The following TRIM44 variants were observed in gnomAD, a reference collection of about 807,000 sequenced individuals.
TRIM44 encodes tripartite motif-containing protein 44.
A neutral mutation model predicts 37.4 loss-of-function variants in TRIM44; 13 were observed. The ratio of observed to expected loss-of-function variants is 0.35; its 90% CI spans 0.23 to 0.55. The LOEUF (loss-of-function observed/expected upper bound fraction) is 0.55, where lower values mean the gene tolerates loss of function less well. TRIM44 is among the 20% of genes least tolerant of loss of function. The pLI is 0.89. For missense variants in TRIM44, 426 were observed against 437.2 expected, an observed-to-expected ratio of 0.97 and a Z score of 0.23; for synonymous variants, 175 against 157.2, an observed-to-expected ratio of 1.11 and a Z score of -0.85.
chr11:35,695,868 T>C (rs578147266), intron 2 of TRIM44, among the ~76,000 whole-genome samples: 1 of 151,516 alleles, frequency 6.6e-6, no homozygotes, highest in Non-Finnish European at 1.5e-5. Context: ...CTCACTAAAA[T>C]ATAATCTGAA....
intron 4 of TRIM44, among the ~76,000 whole-genome samples, chr11:35,774,585 G>A (rs1221140835): frequency 2.6e-5 from 4 of 152,070 alleles, no homozygotes; most frequent in Admixed American, 2.6e-4. Flanking sequence ...TTTCTTCTAG[G>A]GTTTTTTGGT....
intron 1 of TRIM44, among the ~76,000 whole-genome samples, chr11:35,674,261 C>A (rs1404078899): frequency 7.3e-6 from 1 of 136,224 alleles, no homozygotes; most frequent in Non-Finnish European, 1.6e-5. Context: ...TGTACACATG[C>A]GCACATGTGT....
chr11:35,690,359 G>C (rs1269849072), intron 2 of TRIM44, among the ~76,000 whole-genome samples: 1 of 152,172 alleles, frequency 6.6e-6, no homozygotes, highest in East Asian at 1.9e-4. Context: ...TCACTCTTCT[G>C]TGATAATCAG....
chr11:35,723,897 A>G (rs1351988832), intron 2 of TRIM44, among the ~76,000 whole-genome samples: 1 of 152,242 alleles, frequency 6.6e-6, no homozygotes, highest in African/African-American at 2.4e-5. Context: ...GTAGAGATCC[A>G]TTGATCAATG....
intron 2 of TRIM44, among the ~76,000 whole-genome samples, chr11:35,721,718 G>T (rs77109587): frequency 6.6e-6 from 1 of 152,144 alleles, no homozygotes; most frequent in South Asian, 2.1e-4. Flanking sequence ...TAACTAGGTC[G>T]CTGAGGATGA....
chr11:35,709,144 C>T (rs1276635908), intron 2 of TRIM44, among the ~76,000 whole-genome samples: 1 of 152,114 alleles, frequency 6.6e-6, no homozygotes, highest in East Asian at 1.9e-4. Context: ...GAAAGATTAG[C>T]AGATTTAATT....
chr11:35,663,420 A>T lies in TRIM44; in HGVS notation c.309A>T (p.Glu103Asp). 6.3e-7 allele frequency: 1 copy of T among 1,574,986 alleles called. No individual in the cohort carries two copies. Among genetic ancestry groups the T allele is most frequent in the Non-Finnish European group, 8.6e-7 (1 of 1,158,234 alleles). ...CAGGGGAAGAGAGTGAGTCGGAGGA[A>T]GAGAGCGAGTCAGAGGAAGAGAGCG... ...SEAGEESESEEESESEEESET... is the reference protein window; with the variant it reads ...SEAGEESESEDESESEEESET... Residue 103 changes from glutamate to aspartate, a missense_variant, in exon 1 of 5, where the codon GAA becomes GAT. Physicochemically the swap from Glu to Asp is conservative, Grantham distance 45. Coordinates refer to ENST00000299413, the MANE Select transcript of TRIM44 (RefSeq NM_017583.6).
chr11:35,721,279 T>TA (rs1852103258), intron 2 of TRIM44, among the ~76,000 whole-genome samples: 1 of 152,188 alleles, frequency 6.6e-6, no homozygotes, highest in African/African-American at 2.4e-5. Context: ...ACATTTCTTT[T>TA]AAAAAATAGT....
intron 3 of TRIM44, among the ~76,000 whole-genome samples, chr11:35,730,152 A>G (rs188642205): frequency 6.6e-6 from 1 of 152,340 alleles, no homozygotes; most frequent in Admixed American, 6.5e-5. Flanking sequence ...CTCAATAAAG[A>G]AATAAAGATA....
chr11:35,805,092 A>G (rs1286072847), intron 4 of TRIM44, among the ~76,000 whole-genome samples: 1 of 152,166 alleles, frequency 6.6e-6, no homozygotes, highest in Non-Finnish European at 1.5e-5. Flanking sequence ...TATCCAACTG[A>G]AACTAAACCT....
At chr11:35,681,525 C>T (rs1851520967) in intron 1 of TRIM44, among the ~76,000 whole-genome samples, 1 of 152,110 alleles carries the variant, frequency 6.6e-6, no homozygotes, top group Non-Finnish European at 1.5e-5. Flanking sequence ...TCACATTGAA[C>T]TCCTGTGTTC....
chr11:35,690,509 C>T (rs1488132055), intron 2 of TRIM44, among the ~76,000 whole-genome samples: 1 of 152,128 alleles, frequency 6.6e-6, no homozygotes, highest in Admixed American at 6.5e-5. Flanking sequence ...TGATCCTTGC[C>T]CTGTGCCAAA....
At chr11:35,779,591 A>G (rs542098300) in intron 4 of TRIM44, among the ~76,000 whole-genome samples, 39 of 152,172 alleles carry the variant, frequency 2.6e-4, no homozygotes, top group African/African-American at 9.4e-4. Context: ...TATCTGTCCA[A>G]AAGCTCTTTA....
intron 1 of TRIM44, among the ~76,000 whole-genome samples, chr11:35,677,923 G>A (rs945113546): frequency 1.3e-5 from 2 of 152,188 alleles, no homozygotes; most frequent in African/African-American, 4.8e-5. Context: ...AAGGATCTGA[G>A]GACTTTTTGA....
chr11:35,806,299 C>G (rs772797649), intron 4 of TRIM44, 59 bp from the exon 5 acceptor site: 11 of 1,592,190 alleles, frequency 6.9e-6, no homozygotes, highest in African/African-American at 1.3e-5. Context: ...AACCAGTAGA[C>G]TAGGCTGCCT....
In TRIM44 at chr11:35,775,931, C is replaced by CT. The variant is rs566515210; in HGVS notation, c.1008-30420dup. Among the ~76,000 whole-genome samples, 59 of 152,206 alleles carry CT rather than the reference C, an allele frequency of 3.9e-4. No homozygotes were observed. In the East Asian group the frequency reaches 0.011, roughly 29 times the overall value. Reference sequence around the variant, plus strand: ...ATCAAGGATATTGGTCTAAAATTCTCTTTTTTTGTTGTGTCTCTGCCAGGC... The same window carrying CT: ...ATCAAGGATATTGGTCTAAAATTCTCTTTTTTTTGTTGTGTCTCTGCCAGGC... On this transcript the variant is annotated intron_variant, in intron 4 of 4. Coordinates refer to ENST00000299413, the MANE Select transcript of TRIM44 (RefSeq NM_017583.6).
intron 4 of TRIM44, among the ~76,000 whole-genome samples, chr11:35,768,486 T>C (rs1852825789): frequency 6.6e-6 from 1 of 152,208 alleles, no homozygotes. Flanking sequence ...CCAGATCTCA[T>C]AGCCCACTTG....
intron 1 of TRIM44, among the ~76,000 whole-genome samples, chr11:35,683,419 G>A (rs1300169552): frequency 6.6e-6 from 1 of 152,094 alleles, no homozygotes; most frequent in Non-Finnish European, 1.5e-5. Flanking sequence ...GAGGTCAGAG[G>A]GGGGAAAATT....
chr11:35,689,433 T>C (rs184381600), intron 2 of TRIM44, among the ~76,000 whole-genome samples: 1 of 152,324 alleles, frequency 6.6e-6, no homozygotes, highest in Non-Finnish European at 1.5e-5. Flanking sequence ...CAAACAATCT[T>C]TAGTTTGTCA....
Sources: allele counts gnomAD v4.1 joint callset (sites outside exome capture counted in the v4.1 genomes callset), GRCh38; gene constraint gnomAD v4.1.1; transcripts MANE v1.5; gene names NCBI Gene and HGNC (gene_info 2026-07-23, HGNC 2026-07-21).